The following PRKAR1B variants were observed in gnomAD, a reference collection of about 807,000 sequenced individuals.
PRKAR1B encodes cAMP-dependent protein kinase type I-beta regulatory subunit.
In PRKAR1B, 22 loss-of-function variants were observed where a neutral mutation model predicts 46.5. That is an observed-to-expected ratio of 0.47 (90% CI 0.34 to 0.68). The LOEUF (loss-of-function observed/expected upper bound fraction) is 0.68. PRKAR1B is among the 30% of genes least tolerant of loss of function. The pLI is 0.01. For synonymous variants in PRKAR1B, 259 were observed against 217.7 expected (o/e 1.19, Z -1.67); for missense variants, 445 against 535.6 (o/e 0.83, Z 1.67).
intron 7 of PRKAR1B, among the ~76,000 whole-genome samples, chr7:587,977 C>A (rs1482044439): frequency 6.6e-6 from 1 of 152,230 alleles, no homozygotes; most frequent in South Asian, 2.1e-4. Context: ...GTGTGGGGCT[C>A]AGGCCGGGTT....
At chr7:555,944 G>A (rs558800334) in intron 9 of PRKAR1B, among the ~76,000 whole-genome samples, 309 of 152,298 alleles carry the variant, frequency 2.0e-3, no homozygotes, top group Non-Finnish European at 3.6e-3. Context: ...TGCATGACCA[G>A]ATGCCCCCGC....
intron 7 of PRKAR1B, among the ~76,000 whole-genome samples, chr7:592,194 G>A (rs926220859): frequency 2.0e-5 from 3 of 152,198 alleles, no homozygotes; most frequent in African/African-American, 7.2e-5. Context: ...GAGCTCCTGA[G>A]CCCACCGTCC....
At chr7:563,886 T>C (rs944063536) in intron 9 of PRKAR1B, among the ~76,000 whole-genome samples, 4 of 151,994 alleles carry the variant, frequency 2.6e-5, no homozygotes, top group Admixed American at 2.0e-4. Flanking sequence ...TGGGTGTGTA[T>C]ATGTGCATGT....
chr7:596,660 C>G (rs998679549), intron 6 of PRKAR1B, among the ~76,000 whole-genome samples: 2 of 152,248 alleles, frequency 1.3e-5, no homozygotes, highest in East Asian at 1.9e-4. Context: ...TGATTCAATC[C>G]GTCAACTTCT....
Position 593,716 on chromosome 7 carries a change from G to A in PRKAR1B, c.708+2430C>T, listed in dbSNP as rs1289502858. Reference sequence around the variant, plus strand: ...GACAGAGGCCTCCCAGTGAAGGCAGGAGTGAGCGGGTTCAGACAGAAGAGA... The same window carrying A: ...GACAGAGGCCTCCCAGTGAAGGCAGAAGTGAGCGGGTTCAGACAGAAGAGA... On this transcript the variant is annotated intron_variant, in intron 7 of 10. Coordinates refer to ENST00000537384, the MANE Select transcript of PRKAR1B (RefSeq NM_001164760.2). The surrounding 1 kb of genome is among the most constrained non-coding windows in gnomAD (Gnocchi z 6.1). Among the ~76,000 whole-genome samples, 1 of 152,146 alleles carries A rather than the reference G, an allele frequency of 6.6e-6. No individual in the cohort carries two copies. Among genetic ancestry groups the A allele is most frequent in the East Asian group, 1.9e-4 (1 of 5,160 alleles).
chr7:658,961 A>T (rs73254267), intron 4 of PRKAR1B, among the ~76,000 whole-genome samples: 105 of 152,186 alleles, frequency 6.9e-4, no homozygotes, highest in African/African-American at 2.2e-3. Flanking sequence ...TAATGTTTTT[A>T]AAAAAATATT....
intron 4 of PRKAR1B, among the ~76,000 whole-genome samples, chr7:646,389 C>T (rs537567060): frequency 3.9e-5 from 6 of 152,348 alleles, no homozygotes; most frequent in South Asian, 4.1e-4. Context: ...TCTAGAAGGA[C>T]GGTGCATAAA....
chr7:700,250 G>A (rs761189763), intron 2 of PRKAR1B, among the ~76,000 whole-genome samples: 5 of 152,120 alleles, frequency 3.3e-5, no homozygotes, highest in East Asian at 1.9e-4. Context: ...ACAAGGGTGC[G>A]CCCAAGCAGC....
chr7:625,343 G>T (rs1783326309), intron 4 of PRKAR1B, among the ~76,000 whole-genome samples: 1 of 151,882 alleles, frequency 6.6e-6, no homozygotes, highest in Admixed American at 6.6e-5. Context: ...TTCCATCTTG[G>T]GAAACTACAA....
chr7:588,612 GTGGTGATGGTGATGGTGGTGA>G (rs1780757529), intron 7 of PRKAR1B, among the ~76,000 whole-genome samples: 1 of 133,900 alleles, frequency 7.5e-6, no homozygotes, highest in Non-Finnish European at 1.7e-5. Context: ...GATGGTGATG[GTGGTGATGGTGATGGTGGTGA>G]TGGTGATGGT....
At chr7:694,701 A>C (rs1039069924) in intron 2 of PRKAR1B, among the ~76,000 whole-genome samples, 1 of 152,016 alleles carries the variant, frequency 6.6e-6, no homozygotes, top group African/African-American at 2.4e-5. Context: ...CGAGTTCGTT[A>C]CTGCCCCCAT....
At chr7:605,388 AG>A (rs1781963446) in intron 6 of PRKAR1B, among the ~76,000 whole-genome samples, 1 of 152,206 alleles carries the variant, frequency 6.6e-6, no homozygotes, top group Non-Finnish European at 1.5e-5. Context: ...GCGGGGGATG[AG>A]GGGGCCTCAA....
chr7:724,790 A>G (rs1385902342), intron 1 of PRKAR1B, among the ~76,000 whole-genome samples: 1 of 152,262 alleles, frequency 6.6e-6, no homozygotes. Flanking sequence ...CTGGGAGAGC[A>G]GGGACCATGG....
intron 4 of PRKAR1B, among the ~76,000 whole-genome samples, chr7:617,301 T>A (rs1168579095): frequency 2.8e-4 from 3 of 10,788 alleles, no homozygotes; most frequent in Non-Finnish European, 4.7e-4. Context: ...CCAAGTGCCT[T>A]TTTTTTTTTT....
rs747989838 is a variant in PRKAR1B, at chr7:593,394, C to G, written c.708+2752G>C. ...AAACAGACACCATCCTGCAAATGCT[C>G]CCGTCCAAACCAGCCCGGCGCGGCC... On this transcript the variant is annotated intron_variant, in intron 7 of 10. Transcript: ENST00000537384. This position sits in a 1 kb window ranked among gnomAD's most constrained non-coding sequence, Gnocchi z 6.1. 6.6e-6 allele frequency among the ~76,000 whole-genome samples: 1 copy of G among 152,198 alleles called. No individual in the cohort carries two copies. The highest frequency in any genetic ancestry group is 1.5e-5 in the Non-Finnish European group (1 of 68,038).
chr7:607,466 C>A lies in PRKAR1B; in HGVS notation c.441-14G>T, dbSNP rs758056313. On this transcript the variant is annotated splice_polypyrimidine_tract_variant and intron_variant, in intron 4 of 10. Coordinates refer to ENST00000537384, the MANE Select transcript of PRKAR1B (RefSeq NM_001164760.2). The stretch of plus-strand genomic sequence containing the variant: ...TCGAATATGTCACTGAAAAGCAAAA[C>A]ACGCCAAATTAGGGCTGCAGGCAGC... 3 of 1,612,504 alleles carry A rather than the reference C, an allele frequency of 1.9e-6. No individual in the cohort carries two copies. In the East Asian group the frequency reaches 6.7e-5, roughly 36 times the overall value.
At chr7:576,492 T>C (rs1779844174) in intron 9 of PRKAR1B, among the ~76,000 whole-genome samples, 1 of 152,134 alleles carries the variant, frequency 6.6e-6, no homozygotes, top group Non-Finnish European at 1.5e-5. Context: ...ACTTTTAGGT[T>C]GGAGACAAGC....
intron 9 of PRKAR1B, among the ~76,000 whole-genome samples, chr7:569,391 G>A (rs2128434336): frequency 1.3e-5 from 2 of 152,342 alleles, no homozygotes; most frequent in Admixed American, 1.3e-4. Flanking sequence ...GTTGTCCCCT[G>A]GAGCCATCTC....
In PRKAR1B at chr7:664,656, C is replaced by A. The variant is rs537707540; in HGVS notation, c.440+12573G>T. Reference sequence around the variant, plus strand: ...GGGTGTGGTGGCTCATGCCTGCAATCCCAACACTATGGGAGGCTGAGGCCA... The same window carrying A: ...GGGTGTGGTGGCTCATGCCTGCAATACCAACACTATGGGAGGCTGAGGCCA... On this transcript the variant is annotated intron_variant, in intron 4 of 10. Coordinates refer to ENST00000537384, the MANE Select transcript of PRKAR1B (RefSeq NM_001164760.2). Among the ~76,000 whole-genome samples, 10 of 152,286 alleles carry A rather than the reference C, an allele frequency of 6.6e-5. No homozygotes were observed. In the East Asian group the frequency reaches 1.9e-3, roughly 29 times the overall value.
Sources: gnomAD v4.1 joint callset for allele counts (sites outside exome capture counted in the v4.1 genomes callset) on GRCh38, gnomAD v4.1.1 for gene constraint, Gnocchi (gnomAD v3.1) non-coding constraint, MANE v1.5 for transcripts, NCBI Gene and HGNC (gene_info 2026-07-23, HGNC 2026-07-21) for gene names.